The following KIF16B variants were observed in gnomAD, a reference collection of about 807,000 sequenced individuals.
KIF16B encodes the protein kinesin family member 16B, also known as kinesin-like protein KIF16B.
Under a neutral mutation model 156.3 loss-of-function variants are expected in KIF16B, and 98 were observed. The observed-to-expected ratio is 0.63, with a 90% CI of 0.53 to 0.74. The LOEUF (loss-of-function observed/expected upper bound fraction) is 0.74, where lower values mean the gene tolerates loss of function less well. KIF16B is among the 30% of genes least tolerant of loss of function. The pLI is 0.00. For synonymous variants in KIF16B, 564 were observed against 583.7 expected (o/e 0.97, Z 0.49); for missense variants, 1,421 against 1,606.5 (o/e 0.88, Z 1.97).
At chr20:16,304,351 T>A (rs1333495032) in intron 25 of KIF16B, among the ~76,000 whole-genome samples, 2 of 152,192 alleles carry the variant, frequency 1.3e-5, no homozygotes, top group African/African-American at 4.8e-5. Flanking sequence ...ATAAAATGAT[T>A]TGACAGGCAA....
intron 25 of KIF16B, among the ~76,000 whole-genome samples, chr20:16,276,075 C>G (rs1382815054): frequency 6.6e-6 from 1 of 152,332 alleles, no homozygotes; most frequent in Non-Finnish European, 1.5e-5. Flanking sequence ...CTCCTGTGGG[C>G]TCCGGCTTCA....
chr20:16,547,158 A>G (rs1049376918), intron 1 of KIF16B, among the ~76,000 whole-genome samples: 2 of 152,182 alleles, frequency 1.3e-5, no homozygotes, highest in Non-Finnish European at 2.9e-5. Flanking sequence ...ACACATAAGC[A>G]TGCTGTGTCC....
chr20:16,550,086 G>A (rs78467845), intron 1 of KIF16B, among the ~76,000 whole-genome samples: 30,030 of 102,438 alleles, frequency 0.29, 4,051 homozygotes, highest in African/African-American at 0.31. Flanking sequence ...GAAAATTTTC[G>A]CAACCTACTC....
rs905718572 is a variant in KIF16B, at chr20:16,416,171, C to T, written c.1613-9715G>A. Among the ~76,000 whole-genome samples the T allele has an allele frequency of 2.0e-5, 3 of 152,134 alleles. No homozygotes were observed. In the South Asian group the frequency reaches 6.2e-4, roughly 32 times the overall value. Reference sequence around the variant, plus strand: ...CCATTCTGTAGGTTGTCTGTTTGCTCTGATTATATTTTCTTTTGCTGTGCA... The same window carrying T: ...CCATTCTGTAGGTTGTCTGTTTGCTTTGATTATATTTTCTTTTGCTGTGCA... On this transcript the variant is annotated intron_variant, in intron 15 of 25. Coordinates refer to ENST00000354981, the MANE Select transcript of KIF16B (RefSeq NM_024704.5).
At chr20:16,327,490 G>C (rs1272152969) in intron 24 of KIF16B, among the ~76,000 whole-genome samples, 1 of 151,936 alleles carries the variant, frequency 6.6e-6, no homozygotes, top group African/African-American at 2.4e-5. Context: ...AGATGCAAAA[G>C]AGGACAGCCA....
chr20:16,406,333 T>A (rs116377643), intron 16 of KIF16B, 41 bp downstream of exon 16: 1 of 1,544,554 alleles, frequency 6.5e-7, no homozygotes, highest in East Asian at 2.2e-5. Flanking sequence ...CATCCTCACA[T>A]ACGATCAGTG....
At chr20:16,316,925 T>C (rs1363983049) in intron 24 of KIF16B, among the ~76,000 whole-genome samples, 1 of 152,166 alleles carries the variant, frequency 6.6e-6, no homozygotes, top group East Asian at 1.9e-4. Context: ...CCAAAAAATC[T>C]CTTCCATTTT....
intron 25 of KIF16B, among the ~76,000 whole-genome samples, chr20:16,286,979 G>C (rs1203429975): frequency 1.3e-5 from 2 of 152,236 alleles, no homozygotes; most frequent in African/African-American, 4.8e-5. Flanking sequence ...AGGCCCATAA[G>C]TGGCGTGTCT....
At chr20:16,437,805 T>C (rs1409574506) in intron 12 of KIF16B, among the ~76,000 whole-genome samples, 1 of 152,050 alleles carries the variant, frequency 6.6e-6, no homozygotes, top group Admixed American at 6.6e-5. Flanking sequence ...TGGTGTCTAG[T>C]AACTTACATG....
chr20:16,315,373 C>T (rs1419403535), intron 24 of KIF16B, among the ~76,000 whole-genome samples: 1 of 152,138 alleles, frequency 6.6e-6, no homozygotes, highest in Non-Finnish European at 1.5e-5. Context: ...GACACCCAAG[C>T]CCAGAGCTAA....
chr20:16,426,591 G>T (rs1024853376), intron 15 of KIF16B, among the ~76,000 whole-genome samples: 3 of 152,140 alleles, frequency 2.0e-5, no homozygotes, highest in Non-Finnish European at 4.4e-5. Context: ...AATACACAAT[G>T]AAGTATTCAA....
At chr20:16,361,282 G>A (rs1328476762) in intron 22 of KIF16B, among the ~76,000 whole-genome samples, 3 of 152,134 alleles carry the variant, frequency 2.0e-5, no homozygotes, top group Admixed American at 2.0e-4. Context: ...AAGAGACGAC[G>A]AAGATTTGGG....
chr20:16,423,569 G>A (rs1173286123), intron 15 of KIF16B, among the ~76,000 whole-genome samples: 1 of 152,086 alleles, frequency 6.6e-6, no homozygotes, highest in Non-Finnish European at 1.5e-5. Flanking sequence ...ACCAGTACAA[G>A]CCTCTTGTAA....
chr20:16,430,813 G>A (rs2066476668), intron 12 of KIF16B, among the ~76,000 whole-genome samples: 1 of 150,412 alleles, frequency 6.6e-6, no homozygotes. Flanking sequence ...ATACTCAAAT[G>A]TATACCGCAT....
At chr20:16,542,330 A>G (rs2070235873) in intron 1 of KIF16B, among the ~76,000 whole-genome samples, 1 of 152,220 alleles carries the variant, frequency 6.6e-6, no homozygotes, top group South Asian at 2.1e-4. Context: ...ATAAATATTT[A>G]GTGAGAATTA....
At chr20:16,363,833 G>A (rs1046348832) in intron 22 of KIF16B, among the ~76,000 whole-genome samples, 4 of 152,202 alleles carry the variant, frequency 2.6e-5, no homozygotes, top group African/African-American at 9.7e-5. Flanking sequence ...ATGTGCCACT[G>A]AAATTTGGGG....
chr20:16,375,347 G>A (rs1487466374), intron 19 of KIF16B, among the ~76,000 whole-genome samples: 1 of 152,174 alleles, frequency 6.6e-6, no homozygotes, highest in Admixed American at 6.5e-5. Context: ...CAGAGATTCT[G>A]GCTTCAGATG....
chr20:16,514,579 T>TAAGAAAA (rs2069070513), intron 4 of KIF16B, among the ~76,000 whole-genome samples: 1 of 22,406 alleles, frequency 4.5e-5, no homozygotes, highest in Non-Finnish European at 9.5e-5. Context: ...CACTAAGAAA[T>TAAGAAAA]AAGAAAAAAA....
At chr20:16,382,757 C>T (rs1600253318) in intron 17 of KIF16B, among the ~76,000 whole-genome samples, 1 of 151,942 alleles carries the variant, frequency 6.6e-6, no homozygotes, top group South Asian at 2.1e-4. Flanking sequence ...CTCCCCCCAC[C>T]CCACCACCCT....
Sources: allele counts gnomAD v4.1 joint callset (sites outside exome capture counted in the v4.1 genomes callset), GRCh38; gene constraint gnomAD v4.1.1; transcripts MANE v1.5; gene names NCBI Gene and HGNC (gene_info 2026-07-23, HGNC 2026-07-21).